NAV2: variants seen among roughly 807,000 people sequenced by gnomAD.
NAV2 encodes neuron navigator 2.
A neutral mutation model predicts 223.2 loss-of-function variants in NAV2; 54 were observed. The observed-to-expected ratio is 0.24, with a 90% CI of 0.19 to 0.30. NAV2 has a LOEUF of 0.30. Among genes scored for constraint, NAV2 ranks in the 10% least tolerant of loss-of-function variants. The pLI, the probability that NAV2 is intolerant of heterozygous loss-of-function variation, is 1.00. For synonymous variants in NAV2, 1,279 were observed against 1,239.3 expected, an observed-to-expected ratio of 1.03 and a Z score of -0.67; for missense variants, 2,806 against 3,147.5, an observed-to-expected ratio of 0.89 and a Z score of 2.60.
intron 19 of NAV2, among the ~76,000 whole-genome samples, 181 bp downstream of exon 19, chr11:20,056,138 C>G (rs2058350365): frequency 6.6e-6 from 1 of 152,188 alleles, no homozygotes; most frequent in African/African-American, 2.4e-5. Context: ...TAAGGTCTGG[C>G]CTGACCCTTA....
intron 1 of NAV2, among the ~76,000 whole-genome samples, chr11:19,643,598 A>T (rs1475901145): frequency 2.6e-5 from 4 of 152,156 alleles, no homozygotes; most frequent in East Asian, 3.9e-4. Flanking sequence ...AAGTCTTTGT[A>T]ATTGTGAATA....
intron 1 of NAV2, among the ~76,000 whole-genome samples, chr11:19,364,880 T>C (rs540114107): frequency 6.6e-6 from 1 of 152,364 alleles, no homozygotes; most frequent in East Asian, 1.9e-4. Flanking sequence ...CTTGTTATTT[T>C]TCACAGATTT....
At chr11:19,826,284 C>G (rs1179448730) in intron 1 of NAV2, among the ~76,000 whole-genome samples, 1 of 152,118 alleles carries the variant, frequency 6.6e-6, no homozygotes, top group Non-Finnish European at 1.5e-5. Context: ...CAACAGCAGC[C>G]CTCAATTTTC....
chr11:19,797,210 C>T (rs1170242578), intron 1 of NAV2, among the ~76,000 whole-genome samples: 1 of 151,770 alleles, frequency 6.6e-6, no homozygotes, highest in Non-Finnish European at 1.5e-5. Context: ...TGAGTCCCCC[C>T]ACTTCCCCTC....
At chr11:20,071,661 G>A (rs1373159322) in intron 22 of NAV2, among the ~76,000 whole-genome samples, 1 of 148,740 alleles carries the variant, frequency 6.7e-6, no homozygotes, top group African/African-American at 2.5e-5. Context: ...CATTCTAACT[G>A]ACATGAGATG....
intron 34 of NAV2, 75 bp from the exon 35 acceptor site, chr11:20,105,456 G>C (rs1328596342): frequency 8.0e-7 from 1 of 1,255,442 alleles, no homozygotes; most frequent in Non-Finnish European, 1.1e-6. Flanking sequence ...TGTTTCTAAC[G>C]TGCTTTGGTT....
intron 1 of NAV2, among the ~76,000 whole-genome samples, chr11:19,829,485 G>A (rs185148952): frequency 2.6e-5 from 4 of 152,280 alleles, no homozygotes; most frequent in East Asian, 3.9e-4. Flanking sequence ...TCCATTTCAC[G>A]AAGCTGTTAA....
intron 35 of NAV2, among the ~76,000 whole-genome samples, chr11:20,106,832 G>A (rs2062163170): frequency 6.6e-6 from 1 of 151,418 alleles, no homozygotes; most frequent in Non-Finnish European, 1.5e-5. Context: ...TTTTAGTAGA[G>A]AAGGGGTTTC....
intron 1 of NAV2, among the ~76,000 whole-genome samples, chr11:19,415,573 A>T (rs1219197598): frequency 6.6e-6 from 1 of 152,222 alleles, no homozygotes; most frequent in African/African-American, 2.4e-5. Flanking sequence ...AAAAAGAGGG[A>T]ATCCTCCCTA....
At chr11:19,411,948 T>A (rs1017345415) in intron 1 of NAV2, among the ~76,000 whole-genome samples, 1 of 152,146 alleles carries the variant, frequency 6.6e-6, no homozygotes, top group Non-Finnish European at 1.5e-5. Context: ...AGTGGTGAAG[T>A]CATCTGCCCA....
intron 1 of NAV2, among the ~76,000 whole-genome samples, chr11:19,517,011 A>T (rs997434015): frequency 6.6e-6 from 1 of 151,766 alleles, no homozygotes; most frequent in African/African-American, 2.4e-5. Context: ...GGAGTTCATG[A>T]CCAGACCAGG....
Position 19,713,801 on chromosome 11 carries a change from C to G in NAV2, c.106C>G (p.Pro36Ala). Residue 36 changes from proline (P) to alanine (A), a missense_variant, in exon 1 of 38, where the codon CCC becomes GCC. Around this residue, in one of 4 missense-constraint regions of NAV2, gnomAD observed 1,167 missense variants for 1,180.5 expected, o/e 0.99. Coordinates refer to ENST00000349880, the MANE Select transcript of NAV2 (RefSeq NM_145117.5). The surrounding 1 kb of genome is among the most constrained non-coding windows in gnomAD (Gnocchi z 7.2). ...HVPPARAGPQ[P>A]CYLKLGSKVE... ...GCCCCCGGCCCGGGCGGGCCCCCAG[C>G]CCTGCTACCTGAAGTTGGGAAGCAA... 1 of 1,612,958 alleles carries G rather than the reference C, an allele frequency of 6.2e-7. No individual in the cohort carries two copies. Among genetic ancestry groups the G allele is most frequent in the Non-Finnish European group, 8.5e-7 (1 of 1,179,740 alleles).
At chr11:20,015,930 TAATGCCGTGTCACGGAAATCA>T (rs1363156691) in intron 11 of NAV2, among the ~76,000 whole-genome samples, 1 of 152,218 alleles carries the variant, frequency 6.6e-6, no homozygotes, top group Non-Finnish European at 1.5e-5. Flanking sequence ...TTCACTCCTC[TAATGCCGTGTCACGGAAATCA>T]AACAGGATTT....
chr11:19,453,583 G>A (rs1307879977), intron 1 of NAV2, among the ~76,000 whole-genome samples: 2 of 152,182 alleles, frequency 1.3e-5, no homozygotes, highest in Non-Finnish European at 2.9e-5. Flanking sequence ...AGCCTGAAAT[G>A]TATGTCATCT....
intron 3 of NAV2, among the ~76,000 whole-genome samples, chr11:19,845,087 A>T (rs1315837245): frequency 6.6e-6 from 1 of 152,198 alleles, no homozygotes; most frequent in Non-Finnish European, 1.5e-5. Flanking sequence ...TTCATAAGGC[A>T]GAACTCACTA....
intron 1 of NAV2, among the ~76,000 whole-genome samples, chr11:19,540,372 T>A (rs535721926): frequency 6.6e-6 from 1 of 152,352 alleles, no homozygotes; most frequent in East Asian, 1.9e-4. Flanking sequence ...AATAATTGCA[T>A]CCATTTATTC....
intron 11 of NAV2, 74 bp downstream of exon 11, chr11:19,984,321 A>G: frequency 6.2e-7 from 1 of 1,602,474 alleles, no homozygotes. Flanking sequence ...GAGGGTTATG[A>G]TATTGGGAGA....
chr11:19,955,888 G>A (rs760910977), intron 10 of NAV2, among the ~76,000 whole-genome samples: 10 of 152,198 alleles, frequency 6.6e-5, no homozygotes, highest in Non-Finnish European at 1.5e-4. Context: ...GCACCCTGGA[G>A]CCAAGATAAA....
chr11:19,459,975 T>C (rs767840567), intron 1 of NAV2, among the ~76,000 whole-genome samples: 2 of 152,130 alleles, frequency 1.3e-5, no homozygotes, highest in Non-Finnish European at 2.9e-5. Context: ...AAGCAAGAAG[T>C]TTAGACTTGG....
Sources: gnomAD v4.1 joint callset for allele counts (sites outside exome capture counted in the v4.1 genomes callset) on GRCh38, gnomAD v4.1.1 for gene constraint, gnomAD v4.1.1 regional missense constraint, Gnocchi (gnomAD v3.1) non-coding constraint, MANE v1.5 for transcripts, NCBI Gene and HGNC (gene_info 2026-07-23, HGNC 2026-07-21) for gene names.